CCAR2: variants seen among roughly 807,000 people sequenced by gnomAD.
CCAR2 encodes cell cycle and apoptosis regulator 2, also known as cell cycle and apoptosis regulator protein 2.
A neutral mutation model predicts 108.1 loss-of-function variants in CCAR2; 21 were observed. The ratio of observed to expected loss-of-function variants is 0.19; its 90% CI spans 0.14 to 0.28. The LOEUF is 0.28. Among genes scored for constraint, CCAR2 ranks in the 10% least tolerant of loss-of-function variants. CCAR2 has a pLI of 1.00. For missense variants in CCAR2, 1,126 were observed against 1,177.0 expected (o/e 0.96, Z 0.63); for synonymous variants, 577 against 472.8 (o/e 1.22, Z -2.86).
chr8:22,607,568 A>T (rs1010605321), intron 6 of CCAR2, among the ~76,000 whole-genome samples: 2 of 150,052 alleles, frequency 1.3e-5, no homozygotes, highest in African/African-American at 4.9e-5. Context: ...CCTGGGTTCA[A>T]GCAATTCTCC....
chr8:22,610,235 T>C (rs1163278107), intron 7 of CCAR2, among the ~76,000 whole-genome samples: 1 of 152,198 alleles, frequency 6.6e-6, no homozygotes, highest in African/African-American at 2.4e-5. Flanking sequence ...CTTTTATTTA[T>C]TTATTTAGTT....
chr8:22,618,764 G>T, intron 18 of CCAR2, 36 bp downstream of exon 18: 1 of 1,613,078 alleles, frequency 6.2e-7, no homozygotes, highest in South Asian at 1.1e-5. Flanking sequence ...CCTGGGGCAC[G>T]GGCAGGGCAG....
At position 22,616,427 on chromosome 8, in the gene CCAR2, T is replaced by C. The variant is rs1801511574; in HGVS notation, c.1845+179T>C. 9.6e-6 allele frequency: 6 copies of C among 627,818 alleles called. No homozygotes were observed. The South Asian group carries it at 9.6e-5, about 10-fold the overall frequency. The allele number at this position is 627,818 out of a possible 1,614,324, so 38.9% of individuals were successfully genotyped here. ...TAGTGCAAGGGAAGGTGGCGCAGAG[T>C]GCAGGGAGCATGGCTGAGCAGCCTG... On this transcript the variant is annotated intron_variant, in intron 14 of 20. Transcript: ENST00000308511.
Position 22,619,322 on chromosome 8 carries a change from C to T in CCAR2, c.2694C>T (p.Pro898=). ...LLQELRRRLT[P]LQLEIQRVVE... ...AGGAGCTCCGCAGGCGTCTGACCCC[C>T]CTGCAGCTGGAGATCCAGCGGGTGG... is the stretch of plus-strand genomic sequence containing the variant. Residue 898 remains proline (P), a synonymous_variant, in exon 20 of 21, where the codon CCC becomes CCT. Coordinates refer to ENST00000308511, the MANE Select transcript of CCAR2 (RefSeq NM_001393997.1). 1 of 1,563,698 alleles carries T rather than the reference C, an allele frequency of 6.4e-7. No individual in the cohort carries two copies. The highest frequency in any genetic ancestry group is 8.7e-7 in the Non-Finnish European group (1 of 1,154,812).
rs375367253 is a variant in CCAR2 at position 22,614,959 on chromosome 8, C to T, written c.1163C>T (p.Ala388Val). The T allele has an allele frequency of 2.4e-5, 38 of 1,606,266 alleles. No homozygotes were observed. The highest frequency in any genetic ancestry group is 2.0e-4 in the African/African-American group (15 of 74,774). The change falls in exon 11 of 21, where the codon GCG (alanine) becomes GTG (valine). Residue 388 changes from alanine to valine, a missense_variant. By Grantham distance (64) the Ala-to-Val change is moderately conservative (BLOSUM62 0). Transcript: ENST00000308511. ...CTGGTGCGTACCGCCATCCGCTGTGCGCAGGCCCAGACTGGCATTGATTTG... is the reference window on the plus strand; with the variant it reads ...CTGGTGCGTACCGCCATCCGCTGTGTGCAGGCCCAGACTGGCATTGATTTG... ...QVLVRTAIRC[A>V]QAQTGIDLSG... is the part of the protein sequence containing the mutation.
intron 8 of CCAR2, chr8:22,613,806 T>C (rs1310814211): frequency 2.0e-5 from 8 of 399,130 alleles, no homozygotes; most frequent in Non-Finnish European, 3.1e-5. Context: ...TTTTAGGCTT[T>C]TGAACTTTTT....
intron 7 of CCAR2, among the ~76,000 whole-genome samples, chr8:22,611,680 T>G (rs1309872151): frequency 1.3e-5 from 2 of 152,220 alleles, no homozygotes; most frequent in African/African-American, 4.8e-5. Flanking sequence ...TATAAACAGT[T>G]TTCCATATTG....
chr8:22,611,706 T>G (rs1801289491), intron 7 of CCAR2, among the ~76,000 whole-genome samples: 1 of 152,190 alleles, frequency 6.6e-6, no homozygotes, highest in Non-Finnish European at 1.5e-5. Flanking sequence ...TAATCCTGAG[T>G]GTTTTAATGG....
At position 22,606,966 on chromosome 8, in the gene CCAR2, A is replaced by G; in HGVS notation, c.299A>G (p.Tyr100Cys). The G allele has an allele frequency of 6.2e-7, 1 of 1,614,158 alleles. No homozygotes were observed. The highest frequency in any genetic ancestry group is 8.5e-7 in the Non-Finnish European group (1 of 1,180,020). The change falls in exon 5 of 21, where the codon TAC (tyrosine) becomes TGC (cysteine). Residue 100 changes from tyrosine to cysteine, a missense_variant. Physicochemically the swap from Tyr to Cys is radical, Grantham distance 194. Around this residue, in one of 4 missense-constraint regions of CCAR2, gnomAD observed 44 missense variants for 63.4 expected, o/e 0.69. Transcript: ENST00000308511. ...GAGAAGGTGCTGGTGAAGGCTGCAT[A>G]CAACCCAGGCCAGGCAGTGCCCTGG... ...LGEKVLVKAAYNPGQAVPWNA... is the reference protein window; with the variant it reads ...LGEKVLVKAACNPGQAVPWNA...
chr8:22,608,160 C>T (rs1373417638), intron 7 of CCAR2, 95 bp downstream of exon 7: 1 of 957,588 alleles, frequency 1.0e-6, no homozygotes, highest in African/African-American at 1.7e-5. Context: ...GAAGTGAACC[C>T]AGGTCAACTG....
rs1037594609 is a variant in CCAR2 at position 22,605,717 on chromosome 8, C to T, written c.-38-19C>T. On this transcript the variant is annotated intron_variant, in intron 1 of 20. Transcript: ENST00000308511. ...AATTTCCCTTATAAGCTGTTAATTT[C>T]TTTCTTTTTGGATTGAAGCCTTTTC... The T allele has an allele frequency of 1.0e-5, 15 of 1,463,308 alleles. No homozygotes were observed. The highest frequency in any genetic ancestry group is 1.4e-5 in the African/African-American group (1 of 71,214). The allele number at this position is 1,463,308 out of a possible 1,614,324, so 90.6% of individuals were successfully genotyped here. A position where few individuals can be genotyped will look rare whatever the true frequency, so the allele number is the denominator to read the frequency against.
chr8:22,606,878 C>T (rs1801099917), intron 4 of CCAR2, 32 bp from the exon 5 acceptor site: 5 of 1,608,774 alleles, frequency 3.1e-6, no homozygotes, highest in Non-Finnish European at 4.3e-6. Context: ...GGTCCCTCTT[C>T]TGATGGGGCC....
At chr8:22,605,954 C>A in intron 2 of CCAR2, 123 bp downstream of exon 2, 2 of 1,241,174 alleles carry the variant, frequency 1.6e-6, no homozygotes, top group Non-Finnish European at 1.2e-6. Flanking sequence ...GAGATGCCCA[C>A]AGTGATTGCC....
chr8:22,612,659 G>A (rs749067143), intron 7 of CCAR2: 36 of 163,246 alleles, frequency 2.2e-4, no homozygotes, highest in Non-Finnish European at 3.8e-4. Context: ...AAAAAATCAC[G>A]TTAACTATAA....
Position 22,615,692 on chromosome 8 carries a change from C to T in CCAR2, c.1388C>T (p.Pro463Leu). ...CAGCTGTTGTCACAGGAAACGGAGC[C>T]TACTGAACAGGCACCTGATGCCTTG... The part of the protein sequence containing the change: ...PTQEAQGETE[P>L]TEQAPDALEQ... The change falls in exon 13 of 21, where the codon CCT becomes CTT. Residue 463 changes from proline (P) to leucine (L), a missense_variant. Coordinates refer to ENST00000308511, the MANE Select transcript of CCAR2 (RefSeq NM_001393997.1). 1.9e-6 allele frequency: 3 copies of T among 1,613,764 alleles called. No homozygotes were observed. Among genetic ancestry groups the T allele is most frequent in the Non-Finnish European group, 2.5e-6 (3 of 1,180,022 alleles).
At chr8:22,614,560 T>G (rs949243041) in intron 10 of CCAR2, 57 bp downstream of exon 10, 2 of 1,465,940 alleles carry the variant, frequency 1.4e-6, no homozygotes, top group East Asian at 4.5e-5. Flanking sequence ...CAACCTGTCA[T>G]GTTTTGAGTG....
intron 1 of CCAR2, 29 bp from the exon 2 acceptor site, chr8:22,605,707 C>G: frequency 1.5e-6 from 2 of 1,332,416 alleles, no homozygotes; most frequent in Non-Finnish European, 2.1e-6. Context: ...CCCTTATAAG[C>G]TGTTAATTTC....
chr8:22,619,525 T>C (rs1050671535), intron 20 of CCAR2, 113 bp from the exon 21 acceptor site: 1 of 1,422,060 alleles, frequency 7.0e-7, no homozygotes, highest in African/African-American at 1.4e-5. Flanking sequence ...CTCTGGGAAT[T>C]GAGCAGTCAG....
Position 22,614,952 on chromosome 8 carries a change from C to T in CCAR2, c.1156C>T (p.Arg386Cys), listed in dbSNP as rs1246609240. 2 of 1,609,448 alleles carry T rather than the reference C, an allele frequency of 1.2e-6. No individual in the cohort carries two copies. Among genetic ancestry groups the T allele is most frequent in the Non-Finnish European group, 1.7e-6 (2 of 1,178,070 alleles). The change falls in exon 11 of 21, where the codon CGC (arginine) becomes TGC (cysteine). Residue 386 changes from arginine to cysteine, a missense_variant. Around this residue, in one of 4 missense-constraint regions of CCAR2, gnomAD observed 1,013 missense variants for 993.9 expected, o/e 1.02. Transcript: ENST00000308511. ...DPQVLVRTAIRCAQAQTGIDL... is the reference protein window; with the variant it reads ...DPQVLVRTAICCAQAQTGIDL... Reference sequence around the variant, plus strand: ...GCAGGTGCTGGTGCGTACCGCCATCCGCTGTGCGCAGGCCCAGACTGGCAT... The same window carrying T: ...GCAGGTGCTGGTGCGTACCGCCATCTGCTGTGCGCAGGCCCAGACTGGCAT...
Sources: allele counts gnomAD v4.1 joint callset (sites outside exome capture counted in the v4.1 genomes callset), GRCh38; gene constraint gnomAD v4.1.1; regional missense constraint gnomAD v4.1.1; transcripts MANE v1.5; gene names NCBI Gene and HGNC (gene_info 2026-07-23, HGNC 2026-07-21).